Variants in DOCK1 observed in about 807,000 individuals in gnomAD.
DOCK1 encodes dedicator of cytokinesis 1.
DOCK1 carries 138 observed loss-of-function variants against 262.7 expected under a neutral mutation model. That is an observed-to-expected ratio of 0.53 (90% CI 0.46 to 0.61). The LOEUF is 0.61. DOCK1 is among the 20% of genes least tolerant of loss of function. The pLI, the probability that DOCK1 is intolerant of heterozygous loss-of-function variation, is 0.00. For synonymous variants in DOCK1, 866 were observed against 867.4 expected (o/e 1.00, Z 0.03); for missense variants, 1,908 against 2,370.7 (o/e 0.80, Z 4.05).
chr10:127,127,909 A>T, intron 27 of DOCK1, 145 bp downstream of exon 27: 1 of 570,560 alleles, frequency 1.8e-6, no homozygotes, highest in Non-Finnish European at 2.7e-6. Flanking sequence ...TCATTTTCCA[A>T]ATGAATGTCA....
chr10:127,230,910 A>G (rs2058817662), intron 27 of DOCK1, among the ~76,000 whole-genome samples: 2 of 152,146 alleles, frequency 1.3e-5, no homozygotes, highest in African/African-American at 4.8e-5. Flanking sequence ...TAATATGGAT[A>G]TTATAGCAAT....
At chr10:127,077,349 T>C (rs1475494740) in intron 23 of DOCK1, among the ~76,000 whole-genome samples, 1 of 151,978 alleles carries the variant, frequency 6.6e-6, no homozygotes, top group Admixed American at 6.6e-5. Flanking sequence ...CAGCCGAGAT[T>C]GCACCACTGC....
intron 23 of DOCK1, among the ~76,000 whole-genome samples, chr10:127,088,724 G>A (rs949487161): frequency 1.3e-5 from 2 of 151,100 alleles, no homozygotes; most frequent in Admixed American, 1.3e-4. Flanking sequence ...ATGTTTAATT[G>A]TATTGCACTT....
intron 29 of DOCK1, among the ~76,000 whole-genome samples, chr10:127,266,948 T>C (rs1196657651): frequency 6.6e-6 from 1 of 152,216 alleles, no homozygotes; most frequent in African/African-American, 2.4e-5. Context: ...TGAGTGCATT[T>C]CTGGCAAGTC....
At chr10:127,135,466 C>A (rs2050609075) in intron 27 of DOCK1, 1 of 152,580 alleles carries the variant, frequency 6.6e-6, no homozygotes, top group Non-Finnish European at 1.5e-5. Flanking sequence ...TAATAAAGAA[C>A]TTAACGACAA....
chr10:127,385,747 C>T (rs7078605), intron 38 of DOCK1, among the ~76,000 whole-genome samples: 41,368 of 152,140 alleles, frequency 0.27, 5,869 homozygotes, highest in East Asian at 0.44. Context: ...AAATCTGCCC[C>T]GTGCCTTTTC....
At chr10:127,250,268 T>C (rs113591154) in intron 28 of DOCK1, among the ~76,000 whole-genome samples, 5,084 of 152,290 alleles carry the variant, frequency 0.033, 284 homozygotes, top group African/African-American at 0.11. Flanking sequence ...AACTATTAAG[T>C]GCTGTAATTG....
At chr10:127,203,899 A>ATTTT (rs112984062) in intron 27 of DOCK1, among the ~76,000 whole-genome samples, 1 of 144,838 alleles carries the variant, frequency 6.9e-6, no homozygotes, top group Non-Finnish European at 1.5e-5. Context: ...CACAATTTTG[A>ATTTT]TTTTTTTTTT....
chr10:127,026,557 T>A lies in DOCK1; in HGVS notation c.1624+133T>A. 5 of 808,566 alleles carry A rather than the reference T, an allele frequency of 6.2e-6. No individual in the cohort carries two copies. The South Asian group carries it at 7.8e-5, about 13-fold the overall frequency. The allele number at this position is 808,566 out of a possible 1,614,324, so 50.1% of individuals were successfully genotyped here. A position where few individuals can be genotyped will look rare whatever the true frequency, so the allele number is the denominator to read the frequency against. ...AGGCTCATTTCCCACCGGAACCTATTCCTTGGAAACATTCTTCTCTCTTTT... is the reference window on the plus strand; with the variant it reads ...AGGCTCATTTCCCACCGGAACCTATACCTTGGAAACATTCTTCTCTCTTTT... On this transcript the variant is annotated intron_variant, in intron 16 of 51. Coordinates refer to ENST00000623213, the MANE Select transcript of DOCK1 (RefSeq NM_001290223.2).
chr10:127,102,833 C>G (rs1051919332), intron 23 of DOCK1, among the ~76,000 whole-genome samples: 7 of 151,724 alleles, frequency 4.6e-5, no homozygotes, highest in Non-Finnish European at 1.0e-4. Context: ...GAGTGAAACT[C>G]AGTCTCAAAA....
chr10:127,195,526 C>CA (rs1384200133), intron 27 of DOCK1, among the ~76,000 whole-genome samples: 3 of 147,980 alleles, frequency 2.0e-5, no homozygotes, highest in Non-Finnish European at 4.6e-5. Context: ...CAACTCATCC[C>CA]CCCCCCGAAG....
intron 29 of DOCK1, among the ~76,000 whole-genome samples, chr10:127,259,789 AT>A (rs10534535): frequency 0.2 from 28,938 of 144,846 alleles, 3,188 homozygotes; most frequent in African/African-American, 0.32. Context: ...TTAGTTCATG[AT>A]TTTTTTTTTT....
At chr10:126,966,240 A>G (rs1369968933) in intron 1 of DOCK1, among the ~76,000 whole-genome samples, 2 of 152,134 alleles carry the variant, frequency 1.3e-5, no homozygotes, top group African/African-American at 4.8e-5. Context: ...TATATATACC[A>G]CATTTTTTTG....
intron 22 of DOCK1, among the ~76,000 whole-genome samples, chr10:127,055,204 G>T (rs2045053257): frequency 6.6e-6 from 1 of 152,046 alleles, no homozygotes; most frequent in Admixed American, 6.6e-5. Flanking sequence ...CGGAGGAAGA[G>T]TTCCGAGTTC....
intron 25 of DOCK1, among the ~76,000 whole-genome samples, chr10:127,111,376 G>A (rs2048852736): frequency 6.6e-6 from 1 of 152,160 alleles, no homozygotes; most frequent in South Asian, 2.1e-4. Context: ...GTGACTTTCT[G>A]CAGCCCCTCC....
chr10:127,292,059 GTT>G (rs201991720), intron 29 of DOCK1, among the ~76,000 whole-genome samples: 49 of 152,262 alleles, frequency 3.2e-4, no homozygotes, highest in African/African-American at 1.1e-3. Context: ...AGTGCCTCTG[GTT>G]ATATTTCAAG....
At chr10:126,996,131 A>C (rs2040172187) in intron 6 of DOCK1, among the ~76,000 whole-genome samples, 1 of 152,126 alleles carries the variant, frequency 6.6e-6, no homozygotes, top group Non-Finnish European at 1.5e-5. Flanking sequence ...CTGTAATCCC[A>C]GCACTTTGGG....
At chr10:127,435,535 G>C (rs964305398) in intron 48 of DOCK1, among the ~76,000 whole-genome samples, 118 of 152,196 alleles carry the variant, frequency 7.8e-4, no homozygotes, top group Non-Finnish European at 1.5e-4. Context: ...ATGTGTGCTT[G>C]TCACTTACAG....
At chr10:126,982,060 G>C in intron 4 of DOCK1, 87 bp downstream of exon 4, 2 of 1,426,224 alleles carry the variant, frequency 1.4e-6, no homozygotes, top group Non-Finnish European at 1.9e-6. Context: ...TAATATGAGA[G>C]GGTCAAGACA....
Sources: allele counts gnomAD v4.1 joint callset (sites outside exome capture counted in the v4.1 genomes callset), GRCh38; gene constraint gnomAD v4.1.1; transcripts MANE v1.5; gene names NCBI Gene and HGNC (gene_info 2026-07-23, HGNC 2026-07-21).